The following DENND1C variants were observed in gnomAD, a reference collection of about 807,000 sequenced individuals.
The protein encoded by DENND1C is DENN domain containing 1C, also known as DENN domain-containing protein 1C.
DENND1C carries 64 observed loss-of-function variants against 87.9 expected under a neutral mutation model. The ratio of observed to expected loss-of-function variants is 0.73; its 90% CI spans 0.60 to 0.90. DENND1C has a LOEUF of 0.90. DENND1C is among the 40% of genes least tolerant of loss of function. The probability of loss-of-function intolerance (pLI) is 0.00; values close to 1 mark genes in which losing one functional copy is unlikely to be tolerated. For synonymous variants in DENND1C, 384 were observed against 424.4 expected (o/e 0.90, Z 1.17); for missense variants, 980 against 1,037.0 (o/e 0.95, Z 0.76).
In DENND1C at chr19:6,471,309, G is replaced by C; in HGVS notation, c.1250-4C>G. On this transcript the variant is annotated splice_region_variant and splice_polypyrimidine_tract_variant and intron_variant, in intron 16 of 22. Transcript: ENST00000381480. ...AGCTGATAGGATCGAAGGGCCCCTG[G>C]GGTAAGGAGAGAGTGTGGTGGTCAC... 1 of 1,598,042 alleles carries C rather than the reference G, an allele frequency of 6.3e-7. No individual in the cohort carries two copies. The highest frequency in any genetic ancestry group is 8.5e-7 in the Non-Finnish European group (1 of 1,172,318).
At chr19:6,475,615 G>A in intron 12 of DENND1C, 30 bp from the exon 13 acceptor site, 1 of 1,613,892 alleles carries the variant, frequency 6.2e-7, no homozygotes, top group South Asian at 1.1e-5. Flanking sequence ...GCCGCTCAGA[G>A]CCCGGGAGTC....
In DENND1C at chr19:6,468,046, A is replaced by G. The variant is rs1301035265; in HGVS notation, c.1864T>C (p.Ser622Pro). 4.3e-6 allele frequency: 7 copies of G among 1,613,662 alleles called. No individual in the cohort carries two copies. The highest frequency in any genetic ancestry group is 1.7e-5 in the Admixed American group (1 of 59,972). ...EPEPQPLSLP[S>P]LQNASSLDAT... ...TCCAAAGACGAGGCATTTTGCAGGG[A>G]TGGCAGGGAAAGGGGCTGGGGCTCC... Residue 622 changes from serine to proline, a missense_variant, in exon 23 of 23, where the codon TCC (serine) becomes CCC (proline). Physicochemically the swap from Ser to Pro is moderately conservative, Grantham distance 74 (BLOSUM62 -1). Coordinates refer to ENST00000381480, the MANE Select transcript of DENND1C (RefSeq NM_024898.4).
In DENND1C at chr19:6,470,146, G is replaced by A. The variant is rs1599378373; in HGVS notation, c.1362+149C>T. ...AATAAAAGGGGGAAGAGTTGTTAATGGTTTAACTGCTGGTTCAGTTCTGAT... is the reference window on the plus strand; with the variant it reads ...AATAAAAGGGGGAAGAGTTGTTAATAGTTTAACTGCTGGTTCAGTTCTGAT... On this transcript the variant is annotated intron_variant, in intron 18 of 22. Transcript: ENST00000381480. 1.1e-5 allele frequency: 8 copies of A among 732,578 alleles called. No individual in the cohort carries two copies. The East Asian group carries it at 1.1e-4, about 10-fold the overall frequency. 45.4% of individuals were successfully genotyped at this position (732,578 alleles called of 1,614,324 possible).
chr19:6,481,717 G>C lies in DENND1C; in HGVS notation c.-22C>G, dbSNP rs764553869. 1 of 1,565,748 alleles carries C rather than the reference G, an allele frequency of 6.4e-7. No individual in the cohort carries two copies. The highest frequency in any genetic ancestry group is 8.6e-7 in the Non-Finnish European group (1 of 1,158,898). ...CCATGGTCCCTGCAGGGCCAGCCCAGCGGGGCCCTCTCCCCAGGGGTCCTG... is the reference window on the plus strand; with the variant it reads ...CCATGGTCCCTGCAGGGCCAGCCCACCGGGGCCCTCTCCCCAGGGGTCCTG... On this transcript the variant is annotated 5_prime_UTR_variant, in exon 1 of 23. Coordinates refer to ENST00000381480, the MANE Select transcript of DENND1C (RefSeq NM_024898.4).
At chr19:6,473,786 G>C (rs1185333435) in intron 14 of DENND1C, among the ~76,000 whole-genome samples, 1 of 135,722 alleles carries the variant, frequency 7.4e-6, no homozygotes, top group African/African-American at 2.8e-5. Flanking sequence ...TAAGGTGGAA[G>C]CCCGGGAGGG....
At chr19:6,478,711 A>C (rs2092877676) in intron 6 of DENND1C, 72 bp downstream of exon 6, 1 of 1,497,276 alleles carries the variant, frequency 6.7e-7, no homozygotes. Context: ...GAGATCTGAG[A>C]GGGAGGGGTT....
chr19:6,478,893 C>T (rs963326298), intron 5 of DENND1C, 41 bp from the exon 6 acceptor site: 1 of 1,613,898 alleles, frequency 6.2e-7, no homozygotes, highest in Admixed American at 1.7e-5. Context: ...TGTCCCTAGG[C>T]CTCGGCCTTT....
chr19:6,470,423 C>T (rs1038140690), intron 17 of DENND1C, 57 bp from the exon 18 acceptor site: 1 of 1,552,636 alleles, frequency 6.4e-7, no homozygotes, highest in Non-Finnish European at 8.8e-7. Context: ...ACCTCCCCAT[C>T]CCAGGTTGTG....
In DENND1C at chr19:6,479,271, GGGTT is replaced by G. The variant is rs1157326253; in HGVS notation, c.177-219_177-216del. Among the ~76,000 whole-genome samples the G allele has an allele frequency of 2.9e-3, 439 of 149,826 alleles. 4 individuals carry two copies. Among genetic ancestry groups the G allele is most frequent in the African/African-American group, 0.01 (417 of 39,742 alleles). Reference sequence around the variant, plus strand: ...TGAGTCCCTGGGTCCCTGGATCTCTGGGTTTCTGGATCTCTGGGTCCTTGAATCC... The same window carrying G: ...TGAGTCCCTGGGTCCCTGGATCTCTGTCTGGATCTCTGGGTCCTTGAATCC... On this transcript the variant is annotated intron_variant, in intron 4 of 22. Transcript: ENST00000381480.
At chr19:6,473,816 G>GGGGGGGGGGGGGGGGGGCAA (rs1231177042) in intron 14 of DENND1C, among the ~76,000 whole-genome samples, 1 of 131,688 alleles carries the variant, frequency 7.6e-6, no homozygotes, top group Non-Finnish European at 1.6e-5. Context: ...GGGGGGTGGG[G>GGGGGGGGGGGGGGGGGGCAA]GGAGGGAAAT....
rs2092828662 is a variant in DENND1C, at chr19:6,471,392, G to C, written c.1249+14C>G. ...CGGGTAGTGGGGGACCCAGGGGCTG[G>C]ACTCAGGGCTCACCTGAGGAGGCCC... On this transcript the variant is annotated intron_variant, in intron 16 of 22. Coordinates refer to ENST00000381480, the MANE Select transcript of DENND1C (RefSeq NM_024898.4). The C allele has an allele frequency of 3.2e-6, 5 of 1,584,246 alleles. No homozygotes were observed. Among genetic ancestry groups the C allele is most frequent in the Non-Finnish European group, 4.3e-6 (5 of 1,165,582 alleles).
rs753709135 is a variant in DENND1C at position 6,468,012 on chromosome 19, C to T, written c.1898G>A (p.Ser633Asn). 6.2e-7 allele frequency: 1 copy of T among 1,613,840 alleles called. No individual in the cohort carries two copies. The highest frequency in any genetic ancestry group is 2.2e-5 in the East Asian group (1 of 44,874). Reference protein sequence around the residue: ...LQNASSLDATSSSKDSRSQLI... With the variant: ...LQNASSLDATNSSKDSRSQLI... ...CTGGGACCTGGAGTCCTTTGAAGAG[C>T]TGGTGGCATCCAAAGACGAGGCATT... Residue 633 changes from serine (S) to asparagine (N), a missense_variant, in exon 23 of 23, where the codon AGC becomes AAC. Transcript: ENST00000381480.
rs1419049687 is a variant in DENND1C, at chr19:6,480,605, TCTATCTATCTA to T, written c.18-565_18-555del. On this transcript the variant is annotated intron_variant, in intron 1 of 22. Transcript: ENST00000381480. ...ATCTATCTATCTATCTATCTATCTA[TCTATCTATCTA>T]TTTTTTTGAGATGGAGTTTTGCTTT... The T allele has an allele frequency of 2.4e-4, 99 of 417,772 alleles. 1 individual carries two copies. Among genetic ancestry groups the T allele is most frequent in the African/African-American group, 1.2e-3 (52 of 42,344 alleles). The allele number at this position is 417,772 out of a possible 1,614,324, so 25.9% of individuals were successfully genotyped here.
At chr19:6,473,816 G>GGGGGGGGGGGGGGCAA (rs1231177042) in intron 14 of DENND1C, among the ~76,000 whole-genome samples, 2 of 131,666 alleles carry the variant, frequency 1.5e-5, no homozygotes, top group Non-Finnish European at 3.2e-5. Flanking sequence ...GGGGGGTGGG[G>GGGGGGGGGGGGGGCAA]GGAGGGAAAT....
chr19:6,468,882 C>A lies in DENND1C; in HGVS notation c.1479G>T (p.Leu493=), dbSNP rs753884918. The A allele has an allele frequency of 2.0e-5, 30 of 1,511,176 alleles. No individual in the cohort carries two copies. The highest frequency in any genetic ancestry group is 2.5e-5 in the Non-Finnish European group (28 of 1,135,456). The allele number at this position is 1,511,176 out of a possible 1,614,324, so 93.6% of individuals were successfully genotyped here. ...GCTGAGTGATTGGGAGGCGTTGCTGCAGGCGGTCTGAGCGGCTGGGGAGGG... is the reference window on the plus strand; with the variant it reads ...GCTGAGTGATTGGGAGGCGTTGCTGAAGGCGGTCTGAGCGGCTGGGGAGGG... The part of the protein sequence containing the change: ...APALPSRSDR[L]QQRLPITQHF... The change falls in exon 20 of 23, where the codon CTG becomes CTT. Residue 493 remains leucine, a synonymous_variant. Transcript: ENST00000381480.
chr19:6,468,273 G>C lies in DENND1C; in HGVS notation c.1752C>G (p.Asp584Glu), dbSNP rs200276873. Reference protein sequence around the residue: ...AGSLRPSQSLDCCHRGDLDSC... With the variant: ...AGSLRPSQSLECCHRGDLDSC... ...TGTCCAGGTCTCCTCTGTGACAGCA[G>C]TCTAAACTCTGGCTCGGTCTCAGGC... The change falls in exon 22 of 23, where the codon GAC becomes GAG. Residue 584 changes from aspartate (D) to glutamate (E), a missense_variant. Transcript: ENST00000381480. The C allele has an allele frequency of 4.6e-5, 75 of 1,613,586 alleles. No individual in the cohort carries two copies. The highest frequency in any genetic ancestry group is 6.2e-5 in the Non-Finnish European group (73 of 1,179,738).
At chr19:6,469,511 T>C in intron 19 of DENND1C, 85 bp downstream of exon 19, 1 of 1,393,170 alleles carries the variant, frequency 7.2e-7, no homozygotes, top group Non-Finnish European at 9.9e-7. Flanking sequence ...CTCAAACTCC[T>C]GGGCTCAAGC....
chr19:6,470,395 A>G, intron 17 of DENND1C, 29 bp from the exon 18 acceptor site: 2 of 1,605,258 alleles, frequency 1.2e-6, no homozygotes, highest in African/African-American at 2.7e-5. Context: ...CAAGGGGGAG[A>G]GGCTAGGGCC....
intron 14 of DENND1C, among the ~76,000 whole-genome samples, chr19:6,473,462 T>TG (rs1416818681): frequency 5.5e-5 from 2 of 36,522 alleles, no homozygotes; most frequent in African/African-American, 1.3e-4. Flanking sequence ...CCTGGTTTTT[T>TG]TTTTTTTTTT....
Sources: allele counts gnomAD v4.1 joint callset (sites outside exome capture counted in the v4.1 genomes callset), GRCh38; gene constraint gnomAD v4.1.1; transcripts MANE v1.5; gene names NCBI Gene and HGNC (gene_info 2026-07-23, HGNC 2026-07-21).